The following TTC7B variants were observed in gnomAD, a reference collection of about 807,000 sequenced individuals.
The protein encoded by TTC7B is tetratricopeptide repeat protein 7B.
In TTC7B, 28 loss-of-function variants were observed where a neutral mutation model predicts 106.8. That is an observed-to-expected ratio of 0.26 (90% confidence interval 0.19 to 0.36). TTC7B has a LOEUF of 0.36. Among genes scored for constraint, TTC7B ranks in the 10% least tolerant of loss-of-function variants. The pLI is 1.00. For synonymous variants in TTC7B, 405 were observed against 430.6 expected, an observed-to-expected ratio of 0.94 and a Z score of 0.74; for missense variants, 862 against 1,076.4, an observed-to-expected ratio of 0.80 and a Z score of 2.79.
Position 90,610,592 on chromosome 14 carries a change from T to G in TTC7B, c.1966+150A>C. The G allele has an allele frequency of 6.2e-6, 4 of 640,476 alleles. No homozygotes were observed. In the Admixed American group the frequency reaches 9.7e-5, roughly 16 times the overall value. The allele number at this position is 640,476 out of a possible 1,614,324, so 39.7% of individuals were successfully genotyped here. A position where few individuals can be genotyped will look rare whatever the true frequency, so the allele number is the denominator to read the frequency against. ...GTGAAGAAACACTTGAGAAAGACAC[T>G]GGAGCAATGCACCTCGGTTGAGTGT... On this transcript the variant is annotated intron_variant, in intron 17 of 19. Coordinates refer to ENST00000328459, the MANE Select transcript of TTC7B (RefSeq NM_001010854.2).
At chr14:90,798,731 A>G (rs903101852) in intron 1 of TTC7B, among the ~76,000 whole-genome samples, 3 of 150,548 alleles carry the variant, frequency 2.0e-5, no homozygotes, top group Admixed American at 2.0e-4. Flanking sequence ...AAAAAAAAAA[A>G]ACACGCAATA....
chr14:90,816,418 G>T lies in TTC7B; in HGVS notation c.-123C>A. 1 of 445,488 alleles carries T rather than the reference G, an allele frequency of 2.2e-6. No individual in the cohort carries two copies. Among genetic ancestry groups the T allele is most frequent in the South Asian group, 8.8e-5 (1 of 11,308 alleles). 27.6% of individuals were successfully genotyped at this position (445,488 alleles called of 1,614,324 possible). A position where few individuals can be genotyped will look rare whatever the true frequency, so the allele number is the denominator to read the frequency against. ...CCGGCTCCCGGCTCCGCGGCGTAAC[G>T]GGAGCGCCGGCTGGGGAAGGGGCGG... is the stretch of plus-strand genomic sequence containing the variant. On this transcript the variant is annotated 5_prime_UTR_variant, in exon 1 of 20. Coordinates refer to ENST00000328459, the MANE Select transcript of TTC7B (RefSeq NM_001010854.2).
intron 9 of TTC7B, among the ~76,000 whole-genome samples, chr14:90,667,910 C>T (rs966458497): frequency 1.3e-5 from 2 of 152,116 alleles, no homozygotes; most frequent in African/African-American, 2.4e-5. Context: ...GGATAGATCA[C>T]CAGCTGGATA....
chr14:90,581,578 G>C (rs1405961011), intron 18 of TTC7B, among the ~76,000 whole-genome samples: 1 of 152,174 alleles, frequency 6.6e-6, no homozygotes, highest in Non-Finnish European at 1.5e-5. Flanking sequence ...CTGCCTCACT[G>C]CCAAGCTGGG....
In TTC7B at chr14:90,789,845, G is replaced by A. The variant is rs140210929; in HGVS notation, c.122-3517C>T. Among the ~76,000 whole-genome samples the A allele has an allele frequency of 4.2e-3, 638 of 151,148 alleles. 2 individuals are homozygous for A. The highest frequency in any genetic ancestry group is 0.015 in the African/African-American group (612 of 41,102). ...TGGGGGGTGGAGCTTGCAGTAAGCGGAGATCGCGCCACTGCACTGCAGCCT... is the reference window on the plus strand; with the variant it reads ...TGGGGGGTGGAGCTTGCAGTAAGCGAAGATCGCGCCACTGCACTGCAGCCT... On this transcript the variant is annotated intron_variant, in intron 1 of 19. Coordinates refer to ENST00000328459, the MANE Select transcript of TTC7B (RefSeq NM_001010854.2).
chr14:90,547,350 A>T (rs1488778633), intron 19 of TTC7B, among the ~76,000 whole-genome samples: 2 of 152,258 alleles, frequency 1.3e-5, no homozygotes, highest in African/African-American at 2.4e-5. Flanking sequence ...ATTGCTGCCC[A>T]GGGGCTAAAC....
At chr14:90,681,612 C>T (rs1388155320) in intron 7 of TTC7B, among the ~76,000 whole-genome samples, 1 of 152,154 alleles carries the variant, frequency 6.6e-6, no homozygotes, top group South Asian at 2.1e-4. Flanking sequence ...CTGGTATTCT[C>T]GTTACAATGC....
intron 15 of TTC7B, among the ~76,000 whole-genome samples, chr14:90,621,282 C>T (rs1884164811): frequency 7.2e-6 from 1 of 139,634 alleles, no homozygotes; most frequent in Admixed American, 7.4e-5. Context: ...CCACGGGGTA[C>T]AGCCGGGACG....
chr14:90,662,815 T>A (rs1886262286), intron 9 of TTC7B, among the ~76,000 whole-genome samples: 1 of 152,214 alleles, frequency 6.6e-6, no homozygotes, highest in South Asian at 2.1e-4. Context: ...ATTTTAACAT[T>A]CTTATATTAG....
At chr14:90,630,163 T>A (rs1884631789) in intron 15 of TTC7B, among the ~76,000 whole-genome samples, 1 of 152,246 alleles carries the variant, frequency 6.6e-6, no homozygotes, top group Non-Finnish European at 1.5e-5. Context: ...TTTTGCCTCA[T>A]AAACCAAATC....
chr14:90,731,723 C>T (rs900117389), intron 4 of TTC7B, among the ~76,000 whole-genome samples: 4 of 152,104 alleles, frequency 2.6e-5, no homozygotes, highest in Non-Finnish European at 5.9e-5. Flanking sequence ...CACGCGGCAC[C>T]ATCGGAGCCA....
chr14:90,557,039 G>C (rs1226970681), intron 19 of TTC7B, among the ~76,000 whole-genome samples: 2 of 152,156 alleles, frequency 1.3e-5, no homozygotes, highest in Non-Finnish European at 2.9e-5. Context: ...TGCTGCACGG[G>C]GAGGCTTCCT....
At chr14:90,690,886 A>C (rs1199402121) in intron 6 of TTC7B, among the ~76,000 whole-genome samples, 1 of 152,232 alleles carries the variant, frequency 6.6e-6, no homozygotes, top group Non-Finnish European at 1.5e-5. Context: ...GTGGTTTCTG[A>C]TAACCACTGG....
intron 13 of TTC7B, among the ~76,000 whole-genome samples, chr14:90,651,208 A>C (rs1885702807): frequency 6.6e-6 from 1 of 152,252 alleles, no homozygotes; most frequent in Non-Finnish European, 1.5e-5. Context: ...TTAGGACTGC[A>C]ATTCACTAGA....
chr14:90,743,078 A>G (rs1282133591), intron 4 of TTC7B, among the ~76,000 whole-genome samples: 1 of 152,248 alleles, frequency 6.6e-6, no homozygotes, highest in Non-Finnish European at 1.5e-5. Context: ...AGCCTGGATG[A>G]TCATTCCTTT....
At chr14:90,588,102 T>C (rs1203846577) in intron 18 of TTC7B, among the ~76,000 whole-genome samples, 1 of 152,194 alleles carries the variant, frequency 6.6e-6, no homozygotes, top group Non-Finnish European at 1.5e-5. Flanking sequence ...GTACAGTGAC[T>C]GCACACACCA....
intron 18 of TTC7B, among the ~76,000 whole-genome samples, chr14:90,587,200 A>G (rs1023207965): frequency 2.6e-5 from 4 of 152,142 alleles, no homozygotes; most frequent in Non-Finnish European, 5.9e-5. Context: ...GACTCAGGCA[A>G]TCCTCCCACC....
Position 90,536,887 on chromosome 14 carries a change from G to A in TTC7B, c.*4481C>T, listed in dbSNP as rs757220331. On this transcript the variant is annotated 3_prime_UTR_variant, in exon 20 of 20. Transcript: ENST00000328459. ...GATTGAACGAAGGCTCTCGAGGTGG[G>A]GCAATGGCCCTGGACTATCCAGGGG... 1 of 152,328 alleles carries A rather than the reference G, an allele frequency of 6.6e-6. No individual in the cohort carries two copies. Among genetic ancestry groups the A allele is most frequent in the African/African-American group, 2.4e-5 (1 of 41,470 alleles). The allele number at this position is 152,328 out of a possible 1,614,324, so 9.4% of individuals were successfully genotyped here. A position where few individuals can be genotyped will look rare whatever the true frequency, so the allele number is the denominator to read the frequency against.
Position 90,646,992 on chromosome 14 carries a change from C to T in TTC7B, c.1549G>A (p.Ala517Thr), listed in dbSNP as rs369721082. ...AHSLSPTDHQ[A>T]AFYLALQLAI... ...AGCTGCAGAGCCAGGTAGAAAGCTG[C>T]TTGGTGATCTGTGGGTGACAGGCTG... The change falls in exon 14 of 20, where the codon GCA becomes ACA. Residue 517 changes from alanine (A) to threonine (T), a missense_variant. Transcript: ENST00000328459. 3.6e-5 allele frequency: 58 copies of T among 1,614,056 alleles called. No homozygotes were observed. Among genetic ancestry groups the T allele is most frequent in the South Asian group, 2.7e-4 (25 of 91,086 alleles).
Sources: gnomAD v4.1 joint callset for allele counts (sites outside exome capture counted in the v4.1 genomes callset) on GRCh38, gnomAD v4.1.1 for gene constraint, MANE v1.5 for transcripts, NCBI Gene and HGNC (gene_info 2026-07-23, HGNC 2026-07-21) for gene names.